Variants in AGO3 observed in about 807,000 individuals in gnomAD.
AGO3 encodes the protein argonaute RISC catalytic component 3.
A neutral mutation model predicts 105.5 loss-of-function variants in AGO3; 16 were observed. The ratio of observed to expected loss-of-function variants is 0.15; its 90% CI spans 0.10 to 0.23. The LOEUF (loss-of-function observed/expected upper bound fraction) is 0.23. Among genes scored for constraint, AGO3 ranks in the 10% least tolerant of loss-of-function variants. The pLI, the probability that AGO3 is intolerant of heterozygous loss-of-function variation, is 1.00. For synonymous variants in AGO3, 340 were observed against 367.3 expected (o/e 0.93, Z 0.85); for missense variants, 534 against 1,088.0 (o/e 0.49, Z 7.16).
chr1:35,989,142 C>CA (rs2148792286), intron 5 of AGO3, among the ~76,000 whole-genome samples: 1 of 152,276 alleles, frequency 6.6e-6, no homozygotes, highest in East Asian at 1.9e-4. Context: ...ATTGTAGTCT[C>CA]ACTGGTTGAG....
In AGO3 at chr1:36,068,574, A is replaced by G. The variant is rs1055422750; in HGVS notation, c.*12829A>G. On this transcript the variant is annotated 3_prime_UTR_variant, in exon 19 of 19. Transcript: ENST00000373191. ...TCTGCCAACCAACAGAGATCCTCAT[A>G]TTCTTAAAGAAAATTAATATAGCTT... 4 of 152,252 alleles carry G rather than the reference A, an allele frequency of 2.6e-5. No homozygotes were observed. Among genetic ancestry groups the G allele is most frequent in the Non-Finnish European group, 4.4e-5 (3 of 68,042 alleles). The allele number at this position is 152,252 out of a possible 1,614,324, so 9.4% of individuals were successfully genotyped here. A position where few individuals can be genotyped will look rare whatever the true frequency, so the allele number is the denominator to read the frequency against.
intron 6 of AGO3, chr1:36,005,955 T>C: frequency 1.1e-6 from 1 of 933,636 alleles, no homozygotes; most frequent in Non-Finnish European, 1.3e-6. Flanking sequence ...GAGAATTATC[T>C]AGTCCACTTT....
At position 36,065,648 on chromosome 1, in the gene AGO3, G is replaced by GTT. The variant is rs1443257694; in HGVS notation, c.*9906_*9907dup. ...CAAAAAAAGGTGCCTCTGGTCCTGT[G>GTT]TTTTCTTTTTCCTTCTGAAAGTTCA... On this transcript the variant is annotated 3_prime_UTR_variant, in exon 19 of 19. Coordinates refer to ENST00000373191, the MANE Select transcript of AGO3 (RefSeq NM_024852.4). 6.6e-6 allele frequency: 1 copy of GTT among 152,078 alleles called. No homozygotes were observed. Among genetic ancestry groups the GTT allele is most frequent in the Non-Finnish European group, 1.5e-5 (1 of 68,088 alleles). 9.4% of individuals were successfully genotyped at this position (152,078 alleles called of 1,614,324 possible). A position where few individuals can be genotyped will look rare whatever the true frequency, so the allele number is the denominator to read the frequency against.
At chr1:35,931,085 C>T (rs1646033804), upstream of AGO3, 4 of 391,504 alleles carry the variant, frequency 1.0e-5, no homozygotes, top group Admixed American at 8.9e-5. Context: ...CGCCGGCGAG[C>T]TTCCGGGGCG....
chr1:35,968,348 A>G (rs766531297), intron 3 of AGO3, among the ~76,000 whole-genome samples: 9 of 152,194 alleles, frequency 5.9e-5, no homozygotes, highest in Non-Finnish European at 1.2e-4. Flanking sequence ...GCACATTTAC[A>G]TTGTTATATA....
At chr1:36,033,678 T>A (rs984219938) in intron 12 of AGO3, among the ~76,000 whole-genome samples, 3 of 151,800 alleles carry the variant, frequency 2.0e-5, no homozygotes, top group African/African-American at 7.3e-5. Flanking sequence ...ACCGAAATAT[T>A]TATGATGGTT....
intron 2 of AGO3, among the ~76,000 whole-genome samples, chr1:35,964,784 G>A (rs967004635): frequency 6.6e-6 from 1 of 152,044 alleles, no homozygotes; most frequent in South Asian, 2.1e-4. Context: ...CCTTGCCAAC[G>A]TCTGTTATTT....
At position 36,071,302 on chromosome 1, in the gene AGO3, C is replaced by T. The variant is rs937478734; in HGVS notation, c.*15557C>T. 3.3e-5 allele frequency: 5 copies of T among 152,086 alleles called. No individual in the cohort carries two copies. Among genetic ancestry groups the T allele is most frequent in the African/African-American group, 1.2e-4 (5 of 41,412 alleles). The allele number at this position is 152,086 out of a possible 1,614,324, so 9.4% of individuals were successfully genotyped here. A position where few individuals can be genotyped will look rare whatever the true frequency, so the allele number is the denominator to read the frequency against. On this transcript the variant is annotated 3_prime_UTR_variant, in exon 19 of 19. Transcript: ENST00000373191. The stretch of plus-strand genomic sequence containing the variant: ...TGAAGAGTAAAATGTAAATACAGGA[C>T]ATGTGGGGAGGGTGGGGCCGCCTGC...
At chr1:36,024,489 C>T (rs1405012908) in intron 11 of AGO3, among the ~76,000 whole-genome samples, 1 of 152,046 alleles carries the variant, frequency 6.6e-6, no homozygotes, top group African/African-American at 2.4e-5. Context: ...TTTACGTTTT[C>T]TGGCTTCTTT....
intron 2 of AGO3, among the ~76,000 whole-genome samples, chr1:35,955,182 G>A (rs1646541815): frequency 6.6e-6 from 1 of 152,102 alleles, no homozygotes; most frequent in African/African-American, 2.4e-5. Flanking sequence ...GAAGAATATC[G>A]GTATTTAGGA....
rs561358055 is a variant in AGO3, at chr1:35,948,662, G to A, written c.191+2799G>A. 7.9e-5 allele frequency among the ~76,000 whole-genome samples: 12 copies of A among 152,264 alleles called. No homozygotes were observed. The East Asian group carries it at 1.7e-3, about 22-fold the overall frequency. On this transcript the variant is annotated intron_variant, in intron 2 of 18. Transcript: ENST00000373191. The stretch of plus-strand genomic sequence containing the variant: ...ATTATATATGTGTATATAAAGTTGT[G>A]TAGCATAGAATTTCATGTGTATATG...
chr1:36,013,139 T>C (rs1022691860), intron 9 of AGO3, among the ~76,000 whole-genome samples: 3 of 151,996 alleles, frequency 2.0e-5, no homozygotes, highest in African/African-American at 7.3e-5. Context: ...AGGTCTTGCT[T>C]TGTTGCTCAG....
chr1:36,000,319 ATTCT>A (rs1408590765), intron 5 of AGO3, among the ~76,000 whole-genome samples: 1 of 152,162 alleles, frequency 6.6e-6, no homozygotes, highest in East Asian at 1.9e-4. Context: ...ATTTCAACCC[ATTCT>A]TTCTGAGTTT....
At chr1:35,991,837 T>C (rs950870630) in intron 5 of AGO3, among the ~76,000 whole-genome samples, 17 of 152,158 alleles carry the variant, frequency 1.1e-4, no homozygotes, top group Admixed American at 6.6e-5. Context: ...TACATGCTTA[T>C]GCTTCCCTCA....
In AGO3 at chr1:35,972,210, C is replaced by T; in HGVS notation, c.499C>T (p.Leu167=). ...CCCTGTCCATGCCGTTGATGTGGTG[C>T]TACGACATCTGCCCTCCATGAAGTG... ...TNPVHAVDVV[L]RHLPSMKYTP... The change falls in exon 4 of 19, where the codon CTA becomes TTA. Residue 167 remains leucine (L), a synonymous_variant. Transcript: ENST00000373191. The T allele has an allele frequency of 6.2e-7, 1 of 1,613,930 alleles. No homozygotes were observed. Among genetic ancestry groups the T allele is most frequent in the South Asian group, 1.1e-5 (1 of 91,068 alleles).
intron 1 of AGO3, among the ~76,000 whole-genome samples, chr1:35,939,279 T>C (rs899253985): frequency 6.6e-6 from 1 of 152,126 alleles, no homozygotes; most frequent in Non-Finnish European, 1.5e-5. Context: ...TTGATTAGTA[T>C]CTATAGAATT....
chr1:35,954,198 C>T (rs1169247398), intron 2 of AGO3, among the ~76,000 whole-genome samples: 2 of 152,076 alleles, frequency 1.3e-5, no homozygotes, highest in African/African-American at 2.4e-5. Context: ...CTTTTAGTCA[C>T]TTGGAAGATA....
chr1:36,019,197 G>C (rs935433668), intron 11 of AGO3, among the ~76,000 whole-genome samples: 11 of 152,044 alleles, frequency 7.2e-5, no homozygotes, highest in Non-Finnish European at 1.6e-4. Flanking sequence ...ATACACTTTG[G>C]CATAATACAT....
At chr1:35,934,273 G>GAGGAAT (rs1646108952) in intron 1 of AGO3, among the ~76,000 whole-genome samples, 1 of 152,200 alleles carries the variant, frequency 6.6e-6, no homozygotes, top group Non-Finnish European at 1.5e-5. Context: ...GTTTAGGACA[G>GAGGAAT]AGGAACTACA....
Sources: allele counts gnomAD v4.1 joint callset (sites outside exome capture counted in the v4.1 genomes callset), GRCh38; gene constraint gnomAD v4.1.1; transcripts MANE v1.5; gene names NCBI Gene and HGNC (gene_info 2026-07-23, HGNC 2026-07-21).